The following NTRK3 variants were observed in gnomAD, a reference collection of about 807,000 sequenced individuals.
NTRK3 encodes the protein NT-3 growth factor receptor.
A neutral mutation model predicts 91.7 loss-of-function variants in NTRK3; 24 were observed. The ratio of observed to expected loss-of-function variants is 0.26; its 90% CI spans 0.19 to 0.37. The LOEUF is 0.37. Ranked by LOEUF, NTRK3 falls within the 10% of genes least tolerant of loss-of-function variation. NTRK3 has a pLI of 1.00. For missense variants in NTRK3, 880 were observed against 1,068.9 expected (o/e 0.82, Z 2.46); for synonymous variants, 483 against 404.0 (o/e 1.20, Z -2.34).
At chr15:87,885,591 C>A in intron 17 of NTRK3, 103 bp downstream of exon 18, 2 of 627,960 alleles carry the variant, frequency 3.2e-6, no homozygotes, top group Non-Finnish European at 2.6e-6. Context: ...CAGAGGCAGA[C>A]CCATGTATAA....
chr15:87,978,467 G>A, intron 14 of NTRK3: 1 of 228,922 alleles, frequency 4.4e-6, no homozygotes, highest in Middle Eastern at 1.3e-3. Context: ...CCAATCCCGG[G>A]ATCATGGGCT....
At chr15:88,035,565 A>C (rs2079001910) in intron 13 of NTRK3, among the ~76,000 whole-genome samples, 1 of 152,260 alleles carries the variant, frequency 6.6e-6, no homozygotes. Flanking sequence ...TGATCATGCC[A>C]CAGTGAAACC....
chr15:87,912,300 T>A (rs1427041539), intron 17 of NTRK3, among the ~76,000 whole-genome samples: 1 of 152,214 alleles, frequency 6.6e-6, no homozygotes, highest in African/African-American at 2.4e-5. Context: ...ACACTTCTAC[T>A]TAACCTCATG....
intron 14 of NTRK3, among the ~76,000 whole-genome samples, chr15:87,989,541 T>C (rs1388123764): frequency 6.6e-6 from 1 of 152,036 alleles, no homozygotes; most frequent in Admixed American, 6.6e-5. Flanking sequence ...TTAGGAGATA[T>C]ACCTAATGTA....
chr15:87,892,914 T>C (rs965220384), intron 17 of NTRK3, among the ~76,000 whole-genome samples: 9 of 152,218 alleles, frequency 5.9e-5, no homozygotes, highest in African/African-American at 2.2e-4. Flanking sequence ...ATAGATGATG[T>C]ACCAAATTGC....
intron 3 of NTRK3, among the ~76,000 whole-genome samples, chr15:88,211,529 G>C (rs1192330797): frequency 6.6e-6 from 1 of 152,232 alleles, no homozygotes; most frequent in Non-Finnish European, 1.5e-5. Context: ...TATACACCCA[G>C]AAGAATTGTC....
In NTRK3 at chr15:88,010,840, C is replaced by T. The variant is rs142257571; in HGVS notation, c.1585+22017G>A. 1.7e-3 allele frequency among the ~76,000 whole-genome samples: 252 copies of T among 152,194 alleles called. 1 individual carries two copies. The highest frequency in any genetic ancestry group is 5.8e-3 in the African/African-American group (240 of 41,510). On this transcript the variant is annotated intron_variant, in intron 14 of 18. Transcript: ENST00000394480. Reference sequence around the variant, plus strand: ...CTAATTGTACCACTCACAGACACATCTCCGTGTGCCTAACTCATTCACCTG... The same window carrying T: ...CTAATTGTACCACTCACAGACACATTTCCGTGTGCCTAACTCATTCACCTG...
At chr15:88,001,178 AT>A (rs1197501194) in intron 14 of NTRK3, among the ~76,000 whole-genome samples, 1 of 151,992 alleles carries the variant, frequency 6.6e-6, no homozygotes, top group Non-Finnish European at 1.5e-5. Context: ...CCATTTGCCC[AT>A]TTTTTATTGG....
At chr15:87,913,947 T>C (rs1267038449) in intron 17 of NTRK3, among the ~76,000 whole-genome samples, 1 of 152,160 alleles carries the variant, frequency 6.6e-6, no homozygotes, top group Non-Finnish European at 1.5e-5. Context: ...AGAATGAGCC[T>C]TGGAACTGGA....
intron 14 of NTRK3, among the ~76,000 whole-genome samples, chr15:87,972,957 G>T (rs1216027052): frequency 6.6e-6 from 1 of 152,130 alleles, no homozygotes; most frequent in East Asian, 1.9e-4. Context: ...AAGTGCTCCT[G>T]TCTTTCTTGT....
At chr15:87,925,442 C>CACACACAT (rs2068216711) in intron 17 of NTRK3, 2 of 39,056 alleles carry the variant, frequency 5.1e-5, no homozygotes, top group Non-Finnish European at 4.6e-5. Flanking sequence ...CACGTGTATG[C>CACACACAT]ACACACACAC....
intron 14 of NTRK3, among the ~76,000 whole-genome samples, chr15:87,970,214 T>C (rs2073140803): frequency 6.6e-6 from 1 of 152,236 alleles, no homozygotes; most frequent in African/African-American, 2.4e-5. Flanking sequence ...CACTAGATGA[T>C]GTCACCTCCA....
chr15:88,043,012 T>G (rs1186004699), intron 13 of NTRK3, among the ~76,000 whole-genome samples: 4 of 152,196 alleles, frequency 2.6e-5, no homozygotes, highest in Admixed American at 2.0e-4. Flanking sequence ...TGAAATTCAT[T>G]TGTAAGAGAA....
chr15:88,211,862 A>T (rs1384739140), intron 3 of NTRK3, among the ~76,000 whole-genome samples: 1 of 152,286 alleles, frequency 6.6e-6, no homozygotes, highest in African/African-American at 2.4e-5. Context: ...TATTTCTACA[A>T]GAGACAGAAA....
At chr15:87,952,595 G>A (rs901679554) in intron 14 of NTRK3, among the ~76,000 whole-genome samples, 2 of 152,152 alleles carry the variant, frequency 1.3e-5, no homozygotes, top group African/African-American at 2.4e-5. Context: ...GTGACACAAA[G>A]TTATCTTGGC....
chr15:87,872,475 G>C (rs1250637768), exon 19 of NTRK3: 1 of 227,702 alleles, frequency 4.4e-6, no homozygotes, highest in Non-Finnish European at 8.7e-6. Flanking sequence ...TTGACCCAGA[G>C]TTGATTTCCA....
At chr15:87,894,961 A>G (rs2066037040) in intron 17 of NTRK3, among the ~76,000 whole-genome samples, 1 of 152,060 alleles carries the variant, frequency 6.6e-6, no homozygotes. Flanking sequence ...GGTTCATCCT[A>G]CTTTCTCTCC....
chr15:88,193,224 C>G (rs2047552720), intron 3 of NTRK3, among the ~76,000 whole-genome samples: 1 of 152,232 alleles, frequency 6.6e-6, no homozygotes, highest in South Asian at 2.1e-4. Flanking sequence ...GGGCCCTGGT[C>G]TGACCCTACA....
At chr15:88,192,769 T>G (rs1017595936) in intron 3 of NTRK3, among the ~76,000 whole-genome samples, 1 of 152,050 alleles carries the variant, frequency 6.6e-6, no homozygotes, top group African/African-American at 2.4e-5. Flanking sequence ...CTGGACCTCC[T>G]ACGTGAAACA....
Sources: allele counts gnomAD v4.1 joint callset (sites outside exome capture counted in the v4.1 genomes callset), GRCh38; gene constraint gnomAD v4.1.1; transcripts MANE v1.5; gene names NCBI Gene and HGNC (gene_info 2026-07-23, HGNC 2026-07-21).